The following CCDC192 variants were observed in gnomAD, a reference collection of about 807,000 sequenced individuals.
CCDC192 encodes the protein coiled-coil domain containing 192.
chr5:127,821,822 G>T (rs1483938177), intron 5 of CCDC192, among the ~76,000 whole-genome samples: 1 of 152,160 alleles, frequency 6.6e-6, no homozygotes, highest in Non-Finnish European at 1.5e-5. Context: ...GAGATAGAAG[G>T]TGGTACCCAG....
At chr5:127,743,878 C>T (rs372133067) in intron 2 of CCDC192, among the ~76,000 whole-genome samples, 5 of 151,892 alleles carry the variant, frequency 3.3e-5, no homozygotes, top group African/African-American at 4.8e-5. Context: ...ATCACGAGGT[C>T]GGGAGATCGA....
chr5:127,819,421 A>G (rs1191573573), intron 5 of CCDC192, among the ~76,000 whole-genome samples: 1 of 152,114 alleles, frequency 6.6e-6, no homozygotes, highest in Non-Finnish European at 1.5e-5. Context: ...TAGGGTAAAT[A>G]ACCATGTTAT....
At chr5:127,780,481 TCTA>T (rs1285102171) in intron 3 of CCDC192, among the ~76,000 whole-genome samples, 20 of 152,222 alleles carry the variant, frequency 1.3e-4, no homozygotes, top group Non-Finnish European at 2.2e-4. Context: ...CATGCCAACA[TCTA>T]CTGTTTTTTT....
intron 2 of CCDC192, among the ~76,000 whole-genome samples, chr5:127,716,744 C>T (rs1230646507): frequency 6.6e-6 from 1 of 152,196 alleles, no homozygotes; most frequent in Non-Finnish European, 1.5e-5. Flanking sequence ...ATAGGATTAA[C>T]CTTCATTCAA....
intron 3 of CCDC192, among the ~76,000 whole-genome samples, chr5:127,788,338 T>G (rs554369461): frequency 6.6e-6 from 1 of 152,146 alleles, no homozygotes; most frequent in African/African-American, 2.4e-5. Context: ...TATAGTCACA[T>G]TGGCTGTTTT....
chr5:127,866,330 A>G (rs1751610880), intron 5 of CCDC192, among the ~76,000 whole-genome samples: 1 of 151,744 alleles, frequency 6.6e-6, no homozygotes, highest in African/African-American at 2.4e-5. Flanking sequence ...TAATTTCTCC[A>G]TATGCGTTTA....
At chr5:127,898,667 C>T (rs1459527582) in intron 6 of CCDC192, among the ~76,000 whole-genome samples, 1 of 152,038 alleles carries the variant, frequency 6.6e-6, no homozygotes, top group Non-Finnish European at 1.5e-5. Flanking sequence ...CCATGAAATG[C>T]TGAGATGTGG....
chr5:127,934,946 A>G (rs1754147486), intron 6 of CCDC192, among the ~76,000 whole-genome samples: 1 of 152,184 alleles, frequency 6.6e-6, no homozygotes. Context: ...GGAAGCTGAC[A>G]TTGTCTTTTA....
intron 6 of CCDC192, among the ~76,000 whole-genome samples, chr5:127,939,074 T>C (rs1186841036): frequency 6.6e-6 from 1 of 151,376 alleles, no homozygotes; most frequent in Non-Finnish European, 1.5e-5. Flanking sequence ...GTTTTCCCGT[T>C]GCTTGTTAAC....
At chr5:127,855,143 G>C (rs2127092694) in intron 5 of CCDC192, among the ~76,000 whole-genome samples, 1 of 152,238 alleles carries the variant, frequency 6.6e-6, no homozygotes, top group East Asian at 1.9e-4. Flanking sequence ...ATTGACTCTT[G>C]CTTTCGTGAA....
intron 5 of CCDC192, among the ~76,000 whole-genome samples, chr5:127,826,246 G>A (rs1289822858): frequency 3.3e-5 from 5 of 152,074 alleles, no homozygotes; most frequent in Non-Finnish European, 5.9e-5. Context: ...CATCTCACAC[G>A]AGTCAGGATG....
At chr5:127,729,665 A>G (rs2126813446) in intron 2 of CCDC192, among the ~76,000 whole-genome samples, 1 of 152,310 alleles carries the variant, frequency 6.6e-6, no homozygotes, top group East Asian at 1.9e-4. Flanking sequence ...ATCATAACAA[A>G]CAGTCTCCCA....
chr5:127,709,385 C>T (rs2126776198), intron 2 of CCDC192, among the ~76,000 whole-genome samples: 1 of 152,326 alleles, frequency 6.6e-6, no homozygotes, highest in African/African-American at 2.4e-5. Flanking sequence ...TTCCACCAGG[C>T]GTCCTCCTGC....
At chr5:127,810,287 G>A (rs927275531) in intron 5 of CCDC192, among the ~76,000 whole-genome samples, 3 of 152,168 alleles carry the variant, frequency 2.0e-5, no homozygotes, top group African/African-American at 7.2e-5. Context: ...AACTGTTGGA[G>A]CCTCTGCTGT....
chr5:127,865,958 G>A (rs1751591367), intron 5 of CCDC192, among the ~76,000 whole-genome samples: 1 of 152,028 alleles, frequency 6.6e-6, no homozygotes, highest in African/African-American at 2.4e-5. Context: ...TGTCCCCTCT[G>A]AGCTTTTTTT....
At chr5:127,913,979 A>G (rs1423461821) in intron 6 of CCDC192, among the ~76,000 whole-genome samples, 1 of 152,232 alleles carries the variant, frequency 6.6e-6, no homozygotes, top group African/African-American at 2.4e-5. Context: ...GTATATTTGT[A>G]TGAATGTGAA....
chr5:127,770,648 A>G (rs1755495898), intron 3 of CCDC192, among the ~76,000 whole-genome samples: 1 of 152,222 alleles, frequency 6.6e-6, no homozygotes, highest in African/African-American at 2.4e-5. Context: ...ATGCTATATC[A>G]TGACAATTTT....
rs1275088501 is a variant in CCDC192 at position 127,723,775 on chromosome 5, C to A, written c.114+16015C>A. Among the ~76,000 whole-genome samples, 4 of 152,298 alleles carry A rather than the reference C, an allele frequency of 2.6e-5. No individual in the cohort carries two copies. The East Asian group carries it at 7.7e-4, about 29-fold the overall frequency. ...CTCAGGAAGGAAGTCTGACCTCTGGCTGCCCTCAGTCTCACCAGGCAGATT... is the reference window on the plus strand; with the variant it reads ...CTCAGGAAGGAAGTCTGACCTCTGGATGCCCTCAGTCTCACCAGGCAGATT... On this transcript the variant is annotated intron_variant, in intron 2 of 6. Transcript: ENST00000514853.
intron 3 of CCDC192, among the ~76,000 whole-genome samples, chr5:127,793,314 G>C (rs1190343800): frequency 6.6e-6 from 1 of 152,094 alleles, no homozygotes; most frequent in Admixed American, 6.5e-5. Flanking sequence ...TAAGAAACTT[G>C]TTACAAAAGG....
Sources: gnomAD v4.1 joint callset for allele counts (sites outside exome capture counted in the v4.1 genomes callset) on GRCh38, gnomAD v4.1.1 for gene constraint, MANE v1.5 for transcripts, NCBI Gene and HGNC (gene_info 2026-07-23, HGNC 2026-07-21) for gene names.